Variants in FKBP9 observed in about 807,000 individuals in gnomAD.
The protein encoded by FKBP9 is FKBP prolyl isomerase 9.
A neutral mutation model predicts 55.6 loss-of-function variants in FKBP9; 27 were observed. That is an observed-to-expected ratio of 0.49 (90% CI 0.36 to 0.67). FKBP9 has a LOEUF of 0.67. FKBP9 is among the 30% of genes least tolerant of loss of function. The pLI is 0.00. For missense variants in FKBP9, 539 were observed against 742.8 expected, an observed-to-expected ratio of 0.73 and a Z score of 3.19; for synonymous variants, 267 against 296.5, an observed-to-expected ratio of 0.90 and a Z score of 1.02.
chr7:32,977,718 T>C (rs1313911790), intron 4 of FKBP9, among the ~76,000 whole-genome samples: 1 of 151,238 alleles, frequency 6.6e-6, no homozygotes, highest in African/African-American at 2.4e-5. Flanking sequence ...TTCCTGGCTC[T>C]GTGGAGCGGA....
At chr7:33,004,399 T>C (rs1396464014) in intron 9 of FKBP9, among the ~76,000 whole-genome samples, 3 of 152,150 alleles carry the variant, frequency 2.0e-5, no homozygotes, top group African/African-American at 7.2e-5. Flanking sequence ...CTGCCCACTT[T>C]ACCCGGCCAC....
At chr7:32,992,298 C>T (rs967585192) in intron 6 of FKBP9, among the ~76,000 whole-genome samples, 2 of 148,778 alleles carry the variant, frequency 1.3e-5, no homozygotes, top group Admixed American at 1.3e-4. Flanking sequence ...ACCCACCCCC[C>T]TCAGAGGAAA....
At chr7:32,999,845 C>G (rs1784900104) in intron 7 of FKBP9, among the ~76,000 whole-genome samples, 1 of 152,042 alleles carries the variant, frequency 6.6e-6, no homozygotes, top group Non-Finnish European at 1.5e-5. Flanking sequence ...TGGGCTCAAG[C>G]AAAAAGGACC....
Position 32,975,324 on chromosome 7 carries a change from G to A in FKBP9, c.510G>A (p.Arg170=), listed in dbSNP as rs759483989. ...CCATCCAGGTGTCTGATTTTGTGAG[G>A]TACCACTACAACGGGACGTTCCTGG... ...PRTIQVSDFV[R]YHYNGTFLDG... is the part of the protein sequence containing the mutation. The change falls in exon 3 of 10, where the codon AGG becomes AGA. Residue 170 remains arginine, a synonymous_variant. Coordinates refer to ENST00000242209, the MANE Select transcript of FKBP9 (RefSeq NM_007270.5). 4 of 1,613,852 alleles carry A rather than the reference G, an allele frequency of 2.5e-6. No individual in the cohort carries two copies. The highest frequency in any genetic ancestry group is 1.1e-5 in the South Asian group (1 of 91,080).
intron 1 of FKBP9, among the ~76,000 whole-genome samples, chr7:32,963,288 AC>A (rs10712294): frequency 1 from 151,790 of 151,790 alleles, 75,895 homozygotes; most frequent in Non-Finnish European, 1. Context: ...GTGTGGGAGA[AC>A]CCAGTCCTTG....
At position 32,996,240 on chromosome 7, in the gene FKBP9, A is replaced by T. The variant is rs1029857682; in HGVS notation, c.1117A>T (p.Ile373Phe). ...DFHNPSDSIS[I>F]TSHYKPPDCS... The stretch of plus-strand genomic sequence containing the variant: ...CCACAACCCTTCGGACTCCATCAGC[A>T]TCACCTCCCACTACAAACCCCCTGA... The change falls in exon 7 of 10, where the codon ATC becomes TTC. Residue 373 changes from isoleucine (I) to phenylalanine (F), a missense_variant. Ile to Phe is a conservative substitution (Grantham distance 21). This residue lies in a region of FKBP9 where 172 missense variants were observed against 205.3 expected (regional missense o/e 0.84). Coordinates refer to ENST00000242209, the MANE Select transcript of FKBP9 (RefSeq NM_007270.5). 1 of 1,613,994 alleles carries T rather than the reference A, an allele frequency of 6.2e-7. No individual in the cohort carries two copies. The highest frequency in any genetic ancestry group is 8.5e-7 in the Non-Finnish European group (1 of 1,179,970).
intron 5 of FKBP9, among the ~76,000 whole-genome samples, chr7:32,983,885 T>A (rs1784528685): frequency 6.6e-6 from 1 of 152,232 alleles, no homozygotes; most frequent in African/African-American, 2.4e-5. Flanking sequence ...CTTTGCCTAT[T>A]TTTCTATTTA....
At chr7:32,977,886 TATATACACTC>T in intron 4 of FKBP9, among the ~76,000 whole-genome samples, 2 of 143,498 alleles carry the variant, frequency 1.4e-5, no homozygotes. Context: ...TATATATGTA[TATATACACTC>T]ATATATATAT....
chr7:32,996,624 T>TCCTG (rs1221291273), intron 7 of FKBP9, among the ~76,000 whole-genome samples: 1 of 142,810 alleles, frequency 7.0e-6, no homozygotes, highest in African/African-American at 2.7e-5. Flanking sequence ...CTTCCTTCCT[T>TCCTG]CCTTCCTTCC....
At position 32,974,609 on chromosome 7, in the gene FKBP9, G is replaced by T. The variant is rs761386487; in HGVS notation, c.222-8G>T. 34 of 1,611,540 alleles carry T rather than the reference G, an allele frequency of 2.1e-5. No individual in the cohort carries two copies. The highest frequency in any genetic ancestry group is 2.7e-5 in the Non-Finnish European group (32 of 1,178,708). ...TTCTTTCTCTTTCCCTACCCTTTGG[G>T]CCTTCAGCTATGACAGAGACTCCAC... On this transcript the variant is annotated splice_polypyrimidine_tract_variant and splice_region_variant and intron_variant, in intron 1 of 9. Coordinates refer to ENST00000242209, the MANE Select transcript of FKBP9 (RefSeq NM_007270.5).
intron 5 of FKBP9, among the ~76,000 whole-genome samples, chr7:32,986,382 G>A (rs1434860436): frequency 6.6e-6 from 1 of 152,252 alleles, no homozygotes; most frequent in Non-Finnish European, 1.5e-5. Flanking sequence ...TTCCCTGAAT[G>A]TCTGGCAGTG....
intron 6 of FKBP9, chr7:32,989,027 A>G (rs1449507151): frequency 1.3e-5 from 2 of 158,796 alleles, no homozygotes; most frequent in Admixed American, 1.3e-4. Context: ...CCTTTTGAAA[A>G]TGTTAAATCC....
intron 5 of FKBP9, among the ~76,000 whole-genome samples, chr7:32,985,683 G>A (rs1262027792): frequency 2.6e-5 from 4 of 152,232 alleles, no homozygotes; most frequent in Middle Eastern, 3.4e-3. Context: ...AAATTTGTAA[G>A]TTAGTTTGGG....
intron 4 of FKBP9, chr7:32,979,458 T>G (rs1784428737): frequency 6.8e-7 from 1 of 1,460,928 alleles, no homozygotes; most frequent in African/African-American, 1.4e-5. Flanking sequence ...GCAGATTTCA[T>G]CATTCCTTGG....
Position 33,000,208 on chromosome 7 carries a change from G to T in FKBP9, c.1320G>T (p.Glu440Asp). The T allele has an allele frequency of 1.9e-6, 3 of 1,613,554 alleles. No individual in the cohort carries two copies. The highest frequency in any genetic ancestry group is 1.7e-6 in the Non-Finnish European group (2 of 1,179,760). The stretch of plus-strand genomic sequence containing the variant: ...GTCTCAGAGAGATGTGCGTTGGCGA[G>T]AAACGGACAGTGATCATTCCGCCTC... ...DMGLREMCVG[E>D]KRTVIIPPHL... The change falls in exon 8 of 10, where the codon GAG becomes GAT. Residue 440 changes from glutamate (E) to aspartate (D), a missense_variant. By Grantham distance (45) the Glu-to-Asp change is conservative (BLOSUM62 2). Coordinates refer to ENST00000242209, the MANE Select transcript of FKBP9 (RefSeq NM_007270.5).
intron 5 of FKBP9, among the ~76,000 whole-genome samples, chr7:32,984,950 C>T (rs539084139): frequency 6.6e-6 from 1 of 152,128 alleles, no homozygotes; most frequent in Non-Finnish European, 1.5e-5. Context: ...GGCAGCATCA[C>T]AACTTTAACT....
chr7:32,992,334 C>T (rs1372351986), intron 6 of FKBP9, among the ~76,000 whole-genome samples: 1 of 148,760 alleles, frequency 6.7e-6, no homozygotes, highest in Non-Finnish European at 1.5e-5. Flanking sequence ...GGAAACCCAC[C>T]CCCCGCAGAG....
intron 1 of FKBP9, among the ~76,000 whole-genome samples, chr7:32,965,884 T>TAGAGAGAG (rs376558399): frequency 2.7e-5 from 3 of 110,370 alleles, no homozygotes; most frequent in Non-Finnish European, 5.3e-5. Flanking sequence ...TATATATATA[T>TAGAGAGAG]AGAGAGAGAG....
At chr7:32,959,808 A>G (rs1056302786) in intron 1 of FKBP9, among the ~76,000 whole-genome samples, 1 of 152,174 alleles carries the variant, frequency 6.6e-6, no homozygotes, top group Non-Finnish European at 1.5e-5. Flanking sequence ...TTGTGGCTGT[A>G]TATGTAATAT....
Sources: gnomAD v4.1 joint callset for allele counts (sites outside exome capture counted in the v4.1 genomes callset) on GRCh38, gnomAD v4.1.1 for gene constraint, gnomAD v4.1.1 regional missense constraint, MANE v1.5 for transcripts, NCBI Gene and HGNC (gene_info 2026-07-23, HGNC 2026-07-21) for gene names.